Variants in SPMAP2L observed in about 807,000 individuals in gnomAD.
SPMAP2L encodes the protein sperm microtubule associated protein 2-like.
chr4:56,613,041 G>C, the SPMAP2L span, among the ~76,000 whole-genome samples: 1 of 152,184 alleles, frequency 6.6e-6, no homozygotes, highest in African/African-American at 2.4e-5. Flanking sequence ...GTCCCAAGCT[G>C]TCTTCAGTGG....
chr4:56,621,489 G>A, the SPMAP2L span, among the ~76,000 whole-genome samples: 3 of 152,256 alleles, frequency 2.0e-5, no homozygotes, highest in East Asian at 5.8e-4. Flanking sequence ...CTGTAGGGCA[G>A]GTAGTTTATC....
the SPMAP2L span, among the ~76,000 whole-genome samples, chr4:56,599,467 T>G: frequency 1.3e-5 from 2 of 152,178 alleles, no homozygotes; most frequent in African/African-American, 4.8e-5. Context: ...TGTGCCATGG[T>G]GGTTTGCTGC....
the SPMAP2L span, among the ~76,000 whole-genome samples, chr4:56,622,793 C>G: frequency 6.6e-6 from 1 of 152,234 alleles, no homozygotes; most frequent in African/African-American, 2.4e-5. Flanking sequence ...TGCCTTGAAT[C>G]ATGGCCATAA....
At chr4:56,600,457 C>T in the SPMAP2L span, among the ~76,000 whole-genome samples, 1 of 152,010 alleles carries the variant, frequency 6.6e-6, no homozygotes, top group Non-Finnish European at 1.5e-5. Flanking sequence ...CCAAGCCCAG[C>T]TAATTTTTGT....
At chr4:56,585,639 T>C in the SPMAP2L span, among the ~76,000 whole-genome samples, 1 of 152,190 alleles carries the variant, frequency 6.6e-6, no homozygotes, top group Non-Finnish European at 1.5e-5. Flanking sequence ...ACTGCGCCTG[T>C]CCTACAGTTG....
the SPMAP2L span, among the ~76,000 whole-genome samples, chr4:56,560,361 T>C: frequency 2.0e-5 from 3 of 152,248 alleles, no homozygotes; most frequent in Non-Finnish European, 4.4e-5. Flanking sequence ...TCAATATCCT[T>C]TGTGGGTTTC....
At chr4:56,543,411 G>A in the SPMAP2L span, among the ~76,000 whole-genome samples, 3 of 151,840 alleles carry the variant, frequency 2.0e-5, no homozygotes, top group Non-Finnish European at 4.4e-5. Flanking sequence ...TAAAGTTTAG[G>A]GCTGGGCATG....
the SPMAP2L span, among the ~76,000 whole-genome samples, chr4:56,589,031 C>T: frequency 6.6e-6 from 1 of 152,038 alleles, no homozygotes; most frequent in Non-Finnish European, 1.5e-5. Context: ...CTGTGTCACC[C>T]AGGCTGGAGT....
the SPMAP2L span, among the ~76,000 whole-genome samples, chr4:56,616,802 G>A: frequency 1.3e-5 from 2 of 152,148 alleles, no homozygotes; most frequent in African/African-American, 4.8e-5. Flanking sequence ...GCCTTCATCT[G>A]CCAACTCAGA....
the SPMAP2L span, among the ~76,000 whole-genome samples, chr4:56,588,798 G>A: frequency 6.6e-6 from 1 of 152,052 alleles, no homozygotes; most frequent in Non-Finnish European, 1.5e-5. Context: ...GTTTATTTTT[G>A]TATAAGGTGA....
At chr4:56,543,876 G>A in the SPMAP2L span, among the ~76,000 whole-genome samples, 1 of 99,762 alleles carries the variant, frequency 1.0e-5, no homozygotes, top group Non-Finnish European at 2.1e-5. Flanking sequence ...AGCATATATT[G>A]AGAGAGAGAG....
At chr4:56,550,297 A>G in the SPMAP2L span, among the ~76,000 whole-genome samples, 2 of 152,058 alleles carry the variant, frequency 1.3e-5, no homozygotes, top group Non-Finnish European at 2.9e-5. Context: ...TGTATTTACC[A>G]TGCTTCTAGA....
At chr4:56,543,920 G>A in the SPMAP2L span, among the ~76,000 whole-genome samples, 4 of 132,400 alleles carry the variant, frequency 3.0e-5, no homozygotes, top group African/African-American at 8.7e-5. Context: ...GTGTGTGTGT[G>A]TGTGTATGTG....
the SPMAP2L span, among the ~76,000 whole-genome samples, chr4:56,561,854 G>T: frequency 6.6e-6 from 1 of 152,088 alleles, no homozygotes; most frequent in African/African-American, 2.4e-5. Flanking sequence ...CTCCTGAGTA[G>T]CTGGGATTAC....
At chr4:56,571,135 A>G in the SPMAP2L span, among the ~76,000 whole-genome samples, 3 of 151,276 alleles carry the variant, frequency 2.0e-5, no homozygotes, top group Non-Finnish European at 4.4e-5. Context: ...CTTAAAAAAA[A>G]AAACAAAAAA....
At chr4:56,615,539 G>A in the SPMAP2L span, among the ~76,000 whole-genome samples, 1 of 152,154 alleles carries the variant, frequency 6.6e-6, no homozygotes, top group African/African-American at 2.4e-5. Context: ...CTAAGGTCAG[G>A]AGTTCAAGAC....
chr4:56,593,034 A>T, the SPMAP2L span: 14 of 1,595,736 alleles, frequency 8.8e-6, no homozygotes, highest in Middle Eastern at 1.8e-4. Flanking sequence ...ATTTCAAGCA[A>T]AAACCAGATC....
the SPMAP2L span, among the ~76,000 whole-genome samples, chr4:56,597,336 T>C: frequency 6.6e-6 from 1 of 152,232 alleles, no homozygotes; most frequent in African/African-American, 2.4e-5. Flanking sequence ...AGGTAAGTCA[T>C]GGCACTCAGC....
the SPMAP2L span, among the ~76,000 whole-genome samples, chr4:56,543,942 G>A: frequency 1.4e-5 from 2 of 140,578 alleles, no homozygotes; most frequent in African/African-American, 5.6e-5. Context: ...GAGAGAGAGA[G>A]AGAGAGAGTG....
Sources: gnomAD v4.1 joint callset for allele counts (sites outside exome capture counted in the v4.1 genomes callset) on GRCh38, gnomAD v4.1.1 for gene constraint, MANE v1.5 for transcripts, NCBI Gene and HGNC (gene_info 2026-07-23, HGNC 2026-07-21) for gene names.